Variants in NMS observed in about 807,000 individuals in gnomAD.
NMS encodes the protein neuromedin-S.
In NMS, 30 loss-of-function variants were observed where a neutral mutation model predicts 32.2. The observed-to-expected ratio is 0.93, with a 90% CI of 0.70 to 1.26. The LOEUF (loss-of-function observed/expected upper bound fraction) is 1.26. Among genes scored for constraint, NMS ranks in the 50% most tolerant of loss-of-function variants. The pLI, the probability that NMS is intolerant of heterozygous loss-of-function variation, is 0.00. For missense variants in NMS, 190 were observed against 186.3 expected (o/e 1.02, Z -0.12); for synonymous variants, 76 against 58.5 (o/e 1.30, Z -1.37).
rs1482017160 is a variant in NMS at position 100,483,247 on chromosome 2, T to C, written c.450-5T>C. The C allele has an allele frequency of 3.1e-6, 5 of 1,612,408 alleles. No individual in the cohort carries two copies. Among genetic ancestry groups the C allele is most frequent in the East Asian group, 4.5e-5 (2 of 44,868 alleles). ...GAGCAGTGCATTTTTCTTTTCTTTTTTTAGGATTCAGTGGTGAAAGAAAGC... is the reference window on the plus strand; with the variant it reads ...GAGCAGTGCATTTTTCTTTTCTTTTCTTAGGATTCAGTGGTGAAAGAAAGC... On this transcript the variant is annotated splice_region_variant and splice_polypyrimidine_tract_variant and intron_variant, in intron 9 of 9. Coordinates refer to ENST00000376865, the MANE Select transcript of NMS (RefSeq NM_001011717.1).
chr2:100,481,101 T>A (rs186141477), intron 7 of NMS, 25 bp from the exon 8 acceptor site: 13 of 1,613,546 alleles, frequency 8.1e-6, no homozygotes, highest in Non-Finnish European at 1.1e-5. Context: ...GGTTGCATAA[T>A]GGCTTGTGTT....
At position 100,477,347 on chromosome 2, in the gene NMS, C is replaced by T. The variant is rs187120869; in HGVS notation, c.208-14C>T. The T allele has an allele frequency of 2.1e-4, 336 of 1,612,874 alleles. 1 individual carries two copies. The African/African-American group carries it at 4.0e-3, about 19-fold the overall frequency. The stretch of plus-strand genomic sequence containing the variant: ...TGACACTCGATACTAATATCACTTT[C>T]TTTTCTTATTTAGTTTTTGTTTCAC... On this transcript the variant is annotated splice_polypyrimidine_tract_variant and intron_variant, in intron 4 of 9. Transcript: ENST00000376865.
chr2:100,472,255 C>A (rs1401906912), intron 1 of NMS, among the ~76,000 whole-genome samples: 1 of 141,248 alleles, frequency 7.1e-6, no homozygotes, highest in Non-Finnish European at 1.6e-5. Flanking sequence ...GTATCACAGG[C>A]AAGTGAGAAG....
At chr2:100,475,709 A>G (rs1174291451) in intron 3 of NMS, among the ~76,000 whole-genome samples, 2 of 152,178 alleles carry the variant, frequency 1.3e-5, no homozygotes, top group Admixed American at 6.5e-5. Flanking sequence ...CTCTAAAAAG[A>G]AAAAAGTAGG....
rs59036130 is a variant in NMS, at chr2:100,482,181, G to A, written c.415-96G>A. ...GGAGTGAAGTCCTAGTTAGAAGAATGAGGCCTTAGGGTTCAACAGAGAGAA... is the reference window on the plus strand; with the variant it reads ...GGAGTGAAGTCCTAGTTAGAAGAATAAGGCCTTAGGGTTCAACAGAGAGAA... On this transcript the variant is annotated intron_variant, in intron 8 of 9. Transcript: ENST00000376865. 10,047 of 1,208,670 alleles carry A rather than the reference G, an allele frequency of 8.3e-3. 556 individuals are homozygous for A. The African/African-American group carries it at 0.13, about 15-fold the overall frequency. 74.9% of individuals were successfully genotyped at this position (1,208,670 alleles called of 1,614,324 possible).
intron 9 of NMS, 150 bp from the exon 10 acceptor site, chr2:100,483,102 C>T (rs1677250598): frequency 4.5e-6 from 3 of 671,276 alleles, no homozygotes; most frequent in Non-Finnish European, 7.8e-6. Flanking sequence ...CTTGTAAGTA[C>T]TGATTGTGGG....
At chr2:100,472,945 A>AT (rs1677029084) in intron 2 of NMS, 95 bp downstream of exon 2, 2 of 823,396 alleles carry the variant, frequency 2.4e-6, no homozygotes, top group East Asian at 2.6e-5. Flanking sequence ...TTGAGATCAG[A>AT]TTTTTGGCTG....
chr2:100,481,228 T>C (rs761831820), intron 8 of NMS, 61 bp downstream of exon 8: 67 of 1,494,386 alleles, frequency 4.5e-5, no homozygotes, highest in Non-Finnish European at 6.3e-5. Context: ...ATCCCAATCA[T>C]GGAGTGACTG....
At chr2:100,474,909 G>A (rs1677077520) in intron 3 of NMS, among the ~76,000 whole-genome samples, 1 of 152,180 alleles carries the variant, frequency 6.6e-6, no homozygotes. Context: ...AAAACTCAGA[G>A]TTCTTCATCC....
intron 5 of NMS, among the ~76,000 whole-genome samples, chr2:100,479,112 G>A (rs931729424): frequency 3.3e-5 from 5 of 152,196 alleles, no homozygotes; most frequent in African/African-American, 1.2e-4. Flanking sequence ...AGAAAAGTCC[G>A]ATTTACCCTA....
chr2:100,482,469 G>T (rs1319115561), intron 9 of NMS, among the ~76,000 whole-genome samples, 158 bp downstream of exon 9: 1 of 151,888 alleles, frequency 6.6e-6, no homozygotes, highest in African/African-American at 2.4e-5. Context: ...CCCTTTTCCT[G>T]CTCACAGGAC....
chr2:100,479,338 G>A lies in NMS; in HGVS notation c.262-15G>A, dbSNP rs536067658. ...TGTCCCCCTGTCTGACCCTCTCCGC[G>A]CCTGTCTGTTGCAGTTTCCTCCAGT... On this transcript the variant is annotated splice_polypyrimidine_tract_variant and intron_variant, in intron 5 of 9. Transcript: ENST00000376865. 2.5e-6 allele frequency: 4 copies of A among 1,600,022 alleles called. No individual in the cohort carries two copies. The highest frequency in any genetic ancestry group is 3.4e-6 in the Non-Finnish European group (4 of 1,172,250).
chr2:100,481,552 G>A lies in NMS; in HGVS notation c.414+385G>A, dbSNP rs192061997. On this transcript the variant is annotated intron_variant, in intron 8 of 9. Transcript: ENST00000376865. ...CCTGGGTGACAGAGATTCTTGCAAAGGTCACAGAGTCAGAAGAGTTATCTT... is the reference window on the plus strand; with the variant it reads ...CCTGGGTGACAGAGATTCTTGCAAAAGTCACAGAGTCAGAAGAGTTATCTT... Among the ~76,000 whole-genome samples the A allele has an allele frequency of 2.6e-5, 4 of 152,154 alleles. No homozygotes were observed. In the East Asian group the frequency reaches 5.8e-4, roughly 22 times the overall value.
chr2:100,475,295 A>G (rs752113553), intron 3 of NMS, among the ~76,000 whole-genome samples: 3 of 152,128 alleles, frequency 2.0e-5, no homozygotes, highest in Non-Finnish European at 2.9e-5. Flanking sequence ...GGTTTCCTCA[A>G]CTGCCCAAAG....
chr2:100,479,330 C>A, intron 5 of NMS, 23 bp from the exon 6 acceptor site: 1 of 1,589,446 alleles, frequency 6.3e-7, no homozygotes, highest in Non-Finnish European at 8.6e-7. Flanking sequence ...CTGTCTGACC[C>A]TCTCCGCGCC....
chr2:100,471,113 C>A (rs549387021), intron 1 of NMS, among the ~76,000 whole-genome samples: 3 of 152,172 alleles, frequency 2.0e-5, no homozygotes, highest in Non-Finnish European at 2.9e-5. Flanking sequence ...AGGTGCTGAC[C>A]GGGTGCGGGC....
At chr2:100,477,168 C>A in intron 3 of NMS, 76 bp from the exon 4 acceptor site, 1 of 1,233,808 alleles carries the variant, frequency 8.1e-7, no homozygotes, top group Non-Finnish European at 1.2e-6. Context: ...CCATGGTGTA[C>A]CTTATACAGA....
chr2:100,482,018 C>A (rs1464419469), intron 8 of NMS, among the ~76,000 whole-genome samples: 1 of 152,152 alleles, frequency 6.6e-6, no homozygotes, highest in Non-Finnish European at 1.5e-5. Context: ...ACCACATAAG[C>A]AAAGACTAAA....
chr2:100,473,199 A>G (rs1350638371), intron 2 of NMS, among the ~76,000 whole-genome samples: 1 of 152,200 alleles, frequency 6.6e-6, no homozygotes, highest in Non-Finnish European at 1.5e-5. Flanking sequence ...TGATATTCTG[A>G]TACTTTCATA....
Sources: allele counts gnomAD v4.1 joint callset (sites outside exome capture counted in the v4.1 genomes callset), GRCh38; gene constraint gnomAD v4.1.1; transcripts MANE v1.5; gene names NCBI Gene and HGNC (gene_info 2026-07-23, HGNC 2026-07-21).